TRIM25: variants seen among roughly 807,000 people sequenced by gnomAD.
TRIM25 encodes the protein E3 ubiquitin/ISG15 ligase TRIM25.
Under a neutral mutation model 65.2 loss-of-function variants are expected in TRIM25, and 45 were observed. That is an observed-to-expected ratio of 0.69 (90% confidence interval 0.54 to 0.89). TRIM25 has a LOEUF of 0.89. TRIM25 is among the 40% of genes least tolerant of loss of function. TRIM25 has a pLI of 0.00. For missense variants in TRIM25, 714 were observed against 803.7 expected (o/e 0.89, Z 1.35); for synonymous variants, 321 against 340.4 (o/e 0.94, Z 0.63).
rs561376677 is a variant in TRIM25 at position 56,898,912 on chromosome 17, G to A, written c.1153+203C>T. The A allele has an allele frequency of 2.5e-4, 144 of 578,200 alleles. No homozygotes were observed. In the African/African-American group the frequency reaches 2.6e-3, roughly 10 times the overall value. 35.8% of individuals were successfully genotyped at this position (578,200 alleles called of 1,614,324 possible). On this transcript the variant is annotated intron_variant, in intron 5 of 8. Coordinates refer to ENST00000316881, the MANE Select transcript of TRIM25 (RefSeq NM_005082.5). The stretch of plus-strand genomic sequence containing the variant: ...CAGCCTCAGGCATCTTGCTGTTCCA[G>A]GCAGCCCAAACGTGCAATGCTGATG...
At chr17:56,904,617 G>A (rs1382971239) in intron 2 of TRIM25, 129 bp from the exon 3 acceptor site, 4 of 804,164 alleles carry the variant, frequency 5.0e-6, no homozygotes, top group Non-Finnish European at 8.0e-6. Flanking sequence ...AAACCACTGT[G>A]GGGAGCAACT....
chr17:56,910,514 C>A (rs1438603283), intron 1 of TRIM25, among the ~76,000 whole-genome samples: 3 of 152,216 alleles, frequency 2.0e-5, no homozygotes, highest in African/African-American at 4.8e-5. Flanking sequence ...CACCCCAAGG[C>A]TGCCAACTGC....
chr17:56,897,703 A>G (rs1333956455), intron 5 of TRIM25, among the ~76,000 whole-genome samples: 2 of 151,946 alleles, frequency 1.3e-5, no homozygotes, highest in South Asian at 2.1e-4. Context: ...TGACATGAGG[A>G]CCTCACCTCA....
Position 56,889,641 on chromosome 17 carries a change from C to T in TRIM25, c.*2059G>A, listed in dbSNP as rs1909126685. On this transcript the variant is annotated 3_prime_UTR_variant, in exon 9 of 9. Transcript: ENST00000316881. ...GGGTCTTATGCTTCCCTATCCTGAG[C>T]TGCACATTTGCCAGGGAAGTGGCCT... 2.5e-6 allele frequency: 1 copy of T among 397,738 alleles called. No homozygotes were observed. Among genetic ancestry groups the T allele is most frequent in the African/African-American group, 2.1e-5 (1 of 48,622 alleles). 24.6% of individuals were successfully genotyped at this position (397,738 alleles called of 1,614,324 possible).
intron 2 of TRIM25, among the ~76,000 whole-genome samples, chr17:56,905,493 C>A (rs1353450543): frequency 6.6e-6 from 1 of 152,156 alleles, no homozygotes; most frequent in Non-Finnish European, 1.5e-5. Context: ...CTACTGAGCA[C>A]TTGAAATGTG....
In TRIM25 at chr17:56,890,327, A is replaced by T; in HGVS notation, c.*1373T>A. The T allele has an allele frequency of 2.9e-6, 1 of 344,172 alleles. No individual in the cohort carries two copies. Among genetic ancestry groups the T allele is most frequent in the Non-Finnish European group, 5.7e-6 (1 of 174,222 alleles). 21.3% of individuals were successfully genotyped at this position (344,172 alleles called of 1,614,324 possible). A position where few individuals can be genotyped will look rare whatever the true frequency, so the allele number is the denominator to read the frequency against. ...CTTAGTGGACTGGGTTATTTTCACC[A>T]CACAGAAACACTGCAGGGAAAATAG... On this transcript the variant is annotated 3_prime_UTR_variant, in exon 9 of 9. Coordinates refer to ENST00000316881, the MANE Select transcript of TRIM25 (RefSeq NM_005082.5).
In TRIM25 at chr17:56,888,188, G is replaced by C. The variant is rs1359335476; in HGVS notation, c.*3512C>G. 1 of 152,294 alleles carries C rather than the reference G, an allele frequency of 6.6e-6. No homozygotes were observed. The highest frequency in any genetic ancestry group is 6.5e-5 in the Admixed American group (1 of 15,290). 9.4% of individuals were successfully genotyped at this position (152,294 alleles called of 1,614,324 possible). ...TCCAGTCCCCCGCCCCATAGGTCAG[G>C]CTGACTCAAAGCCTCAAACCTCTAA... On this transcript the variant is annotated 3_prime_UTR_variant, in exon 9 of 9. Coordinates refer to ENST00000316881, the MANE Select transcript of TRIM25 (RefSeq NM_005082.5).
At chr17:56,892,267 G>C (rs1252021244) in intron 8 of TRIM25, 38 bp from the exon 9 acceptor site, 2 of 1,547,464 alleles carry the variant, frequency 1.3e-6, no homozygotes, top group African/African-American at 2.7e-5. Flanking sequence ...ATTACAAGGG[G>C]CCCAAAGTGC....
intron 3 of TRIM25, among the ~76,000 whole-genome samples, chr17:56,902,403 T>TAC (rs1261994914): frequency 6.6e-6 from 1 of 152,160 alleles, no homozygotes; most frequent in African/African-American, 2.4e-5. Context: ...GAGATGGGCT[T>TAC]ACAGTCAAAA....
At position 56,913,731 on chromosome 17, in the gene TRIM25, G is replaced by T; in HGVS notation, c.258C>A (p.Pro86=). 6.4e-7 allele frequency: 1 copy of T among 1,557,862 alleles called. No individual in the cohort carries two copies. Among genetic ancestry groups the T allele is most frequent in the Non-Finnish European group, 8.7e-7 (1 of 1,151,096 alleles). Residue 86 remains proline (P), a synonymous_variant, in exon 1 of 9, where the codon CCC becomes CCA. Transcript: ENST00000316881. The surrounding 1 kb of genome is among the most constrained non-coding windows in gnomAD (Gnocchi z 6.1). ...FLQADLAREP[P]ADVWTPPARA... ...GGGCGGGCGGCGTCCAGACGTCGGC[G>T]GGTGGCTCCCGGGCCAGGTCGGCCT...
chr17:56,903,106 A>C (rs1305367733), intron 3 of TRIM25, among the ~76,000 whole-genome samples: 7 of 152,164 alleles, frequency 4.6e-5, no homozygotes, highest in Non-Finnish European at 8.8e-5. Flanking sequence ...TTTCTTTATA[A>C]ATTACTCAGT....
At chr17:56,898,338 G>A (rs764022690) in intron 5 of TRIM25, among the ~76,000 whole-genome samples, 1 of 152,140 alleles carries the variant, frequency 6.6e-6, no homozygotes, top group Non-Finnish European at 1.5e-5. Flanking sequence ...CATCTCAGTG[G>A]TATATGGACA....
intron 5 of TRIM25, 63 bp downstream of exon 5, chr17:56,899,052 G>A (rs959045889): frequency 4.4e-6 from 7 of 1,591,992 alleles, no homozygotes; most frequent in Non-Finnish European, 5.2e-6. Context: ...GAAGTGACTT[G>A]GCCAGAGCCT....
intron 1 of TRIM25, among the ~76,000 whole-genome samples, chr17:56,910,780 C>T (rs1262940175): frequency 7.9e-5 from 12 of 152,204 alleles, no homozygotes; most frequent in Non-Finnish European, 1.5e-5. Context: ...GCACCAGAGT[C>T]TCAAGTCCGA....
intron 5 of TRIM25, among the ~76,000 whole-genome samples, chr17:56,897,705 C>T (rs1343995907): frequency 6.6e-6 from 1 of 152,184 alleles, no homozygotes; most frequent in Non-Finnish European, 1.5e-5. Context: ...ACATGAGGAC[C>T]TCACCTCACT....
Position 56,890,042 on chromosome 17 carries a change from C to T in TRIM25, c.*1658G>A. On this transcript the variant is annotated 3_prime_UTR_variant, in exon 9 of 9. Coordinates refer to ENST00000316881, the MANE Select transcript of TRIM25 (RefSeq NM_005082.5). ...GGAATATCAAGTGTTCTGAGCCTGC[C>T]TAGAGTGCCCTAGAGTTCCAGCACG... The T allele has an allele frequency of 2.5e-6, 1 of 403,960 alleles. No homozygotes were observed. The highest frequency in any genetic ancestry group is 4.4e-6 in the Non-Finnish European group (1 of 228,756). 25.0% of individuals were successfully genotyped at this position (403,960 alleles called of 1,614,324 possible).
At chr17:56,911,478 G>A (rs1909626932) in intron 1 of TRIM25, among the ~76,000 whole-genome samples, 1 of 151,766 alleles carries the variant, frequency 6.6e-6, no homozygotes, top group Non-Finnish European at 1.5e-5. Flanking sequence ...TGCTCGGGAG[G>A]TTGAGGCAGG....
rs773094470 is a variant in TRIM25, at chr17:56,901,569, T to G, written c.937A>C (p.Lys313Gln). 4 of 1,614,126 alleles carry G rather than the reference T, an allele frequency of 2.5e-6. No individual in the cohort carries two copies. The highest frequency in any genetic ancestry group is 3.4e-6 in the Non-Finnish European group (4 of 1,180,026). The change falls in exon 4 of 9, where the codon AAA (lysine) becomes CAA (glutamine). Residue 313 changes from lysine to glutamine, a missense_variant. Transcript: ENST00000316881. ...GGCTTTGTTGAGATTCCTCGCAGTT[T>G]TGATGCTTTCTGGAACATGCCAGGG... The part of the protein sequence containing the change: ...DEFEFLEKAS[K>Q]LRGISTKPVY...
At position 56,890,250 on chromosome 17, in the gene TRIM25, A is replaced by G. The variant is rs1909140678; in HGVS notation, c.*1450T>C. ...TTCCTCATACTCACATCCTGACAAC[A>G]TTAGGCTATAAGGAGCTTGGGGAAA... On this transcript the variant is annotated 3_prime_UTR_variant, in exon 9 of 9. Coordinates refer to ENST00000316881, the MANE Select transcript of TRIM25 (RefSeq NM_005082.5). 1 of 317,522 alleles carries G rather than the reference A, an allele frequency of 3.1e-6. No individual in the cohort carries two copies. The highest frequency in any genetic ancestry group is 2.2e-5 in the African/African-American group (1 of 45,758). 19.7% of individuals were successfully genotyped at this position (317,522 alleles called of 1,614,324 possible). A position where few individuals can be genotyped will look rare whatever the true frequency, so the allele number is the denominator to read the frequency against.
Sources: gnomAD v4.1 joint callset for allele counts (sites outside exome capture counted in the v4.1 genomes callset) on GRCh38, gnomAD v4.1.1 for gene constraint, Gnocchi (gnomAD v3.1) non-coding constraint, MANE v1.5 for transcripts, NCBI Gene and HGNC (gene_info 2026-07-23, HGNC 2026-07-21) for gene names.